Variants in MED12L observed in about 807,000 individuals in gnomAD.
The protein encoded by MED12L is mediator of RNA polymerase II transcription subunit 12-like protein.
Under a neutral mutation model 281.3 loss-of-function variants are expected in MED12L, and 60 were observed. That is an observed-to-expected ratio of 0.21 (90% CI 0.17 to 0.26). The LOEUF (loss-of-function observed/expected upper bound fraction) is 0.26. MED12L is among the 10% of genes least tolerant of loss of function. The probability of loss-of-function intolerance (pLI) is 1.00; values close to 1 mark genes in which losing one functional copy is unlikely to be tolerated. For synonymous variants in MED12L, 974 were observed against 987.2 expected (o/e 0.99, Z 0.25); for missense variants, 2,146 against 2,680.9 (o/e 0.80, Z 4.41).
At chr3:151,156,435 A>G in intron 6 of MED12L, 105 bp downstream of exon 6, 10 of 1,080,356 alleles carry the variant, frequency 9.3e-6, no homozygotes, top group South Asian at 3.6e-5. Context: ...ACATGAACCA[A>G]TACATTCAAA....
chr3:151,390,947 C>T (rs1378953346), intron 38 of MED12L, among the ~76,000 whole-genome samples: 1 of 152,152 alleles, frequency 6.6e-6, no homozygotes, highest in East Asian at 1.9e-4. Flanking sequence ...AAATCTGGTT[C>T]TACCACTCTC....
intron 2 of MED12L, among the ~76,000 whole-genome samples, chr3:151,095,172 A>G (rs948177263): frequency 3.3e-5 from 5 of 152,236 alleles, no homozygotes; most frequent in African/African-American, 9.6e-5. Flanking sequence ...GTATAAATTC[A>G]GTGACCTGCA....
chr3:151,086,941 G>T lies in MED12L; in HGVS notation c.15G>T (p.Gly5=). 6.2e-7 allele frequency: 1 copy of T among 1,602,680 alleles called. No homozygotes were observed. Among genetic ancestry groups the T allele is most frequent in the Admixed American group, 1.7e-5 (1 of 58,724 alleles). The change falls in exon 2 of 45, where the codon GGG becomes GGT. Residue 5 remains glycine (G), a synonymous_variant. Coordinates refer to ENST00000687756, the MANE Select transcript of MED12L (RefSeq NM_001393769.1). MAAF[G]LLSYEQRPLK... ...CATGAGAGATCATGGCCGCCTTCGG[G>T]CTTCTCAGCTATGAGCAGAGACCGC...
chr3:151,093,816 TTGAC>T (rs1225463216), intron 2 of MED12L, among the ~76,000 whole-genome samples: 2 of 152,224 alleles, frequency 1.3e-5, no homozygotes, highest in African/African-American at 4.8e-5. Flanking sequence ...GGGATTTTCT[TTGAC>T]TGTGTCCCTG....
intron 16 of MED12L, among the ~76,000 whole-genome samples, chr3:151,310,080 G>T (rs967046821): frequency 7.9e-5 from 12 of 152,144 alleles, no homozygotes; most frequent in Non-Finnish European, 1.6e-4. Flanking sequence ...ATAGCTCACT[G>T]TAAAGTTGGG....
chr3:151,337,491 T>C, intron 16 of MED12L: 1 of 247,444 alleles, frequency 4.0e-6, no homozygotes, highest in Non-Finnish European at 7.9e-6. Flanking sequence ...ATAATGTATT[T>C]TAAAAATTAC....
At chr3:151,345,776 C>G (rs921766973) in intron 16 of MED12L, among the ~76,000 whole-genome samples, 27 of 152,224 alleles carry the variant, frequency 1.8e-4, no homozygotes, top group African/African-American at 6.3e-4. Context: ...CTCAGCCTCC[C>G]AAAGTGCTGG....
At chr3:151,100,944 G>A (rs1235779183) in intron 2 of MED12L, among the ~76,000 whole-genome samples, 1 of 152,114 alleles carries the variant, frequency 6.6e-6, no homozygotes, top group Non-Finnish European at 1.5e-5. Context: ...CTGTGGCGAA[G>A]GATCAGTTTT....
At chr3:151,321,686 A>G (rs1749015589) in intron 16 of MED12L, among the ~76,000 whole-genome samples, 1 of 152,192 alleles carries the variant, frequency 6.6e-6, no homozygotes, top group African/African-American at 2.4e-5. Flanking sequence ...TTTGAGTTGT[A>G]TTACAAGAGT....
chr3:151,376,287 C>CT (rs1227854639), intron 28 of MED12L, 73 bp downstream of exon 28: 2 of 1,171,088 alleles, frequency 1.7e-6, no homozygotes, highest in Non-Finnish European at 2.3e-6. Flanking sequence ...TACTTCCTCT[C>CT]TTTTTTTGTC....
At chr3:151,196,761 A>G (rs894483223) in intron 16 of MED12L, among the ~76,000 whole-genome samples, 3 of 152,258 alleles carry the variant, frequency 2.0e-5, no homozygotes, top group Non-Finnish European at 2.9e-5. Context: ...TATGTTTTGT[A>G]ATAGGCACTT....
chr3:151,409,474 T>C (rs2108346269), intron 40 of MED12L, 142 bp downstream of exon 40: 6 of 716,710 alleles, frequency 8.4e-6, no homozygotes, highest in Non-Finnish European at 1.4e-5. Flanking sequence ...ATAATTGATA[T>C]TTCAAAAAAG....
intron 16 of MED12L, among the ~76,000 whole-genome samples, chr3:151,200,481 T>C (rs1436053558): frequency 2.6e-5 from 4 of 152,238 alleles, no homozygotes; most frequent in Non-Finnish European, 5.9e-5. Flanking sequence ...ATATAAGTTA[T>C]AGTGACCAAC....
At chr3:151,246,138 A>G (rs1017116210) in intron 16 of MED12L, among the ~76,000 whole-genome samples, 1 of 152,218 alleles carries the variant, frequency 6.6e-6, no homozygotes, top group Non-Finnish European at 1.5e-5. Flanking sequence ...AACAAATGGA[A>G]GAACATTCCA....
chr3:151,109,213 G>T (rs749362202), intron 2 of MED12L, among the ~76,000 whole-genome samples: 4 of 151,996 alleles, frequency 2.6e-5, no homozygotes, highest in Non-Finnish European at 5.9e-5. Context: ...CAGCCACCAC[G>T]CCCGGCAATT....
At chr3:151,355,082 T>G in intron 17 of MED12L, 39 bp from the exon 18 acceptor site, 2 of 1,493,920 alleles carry the variant, frequency 1.3e-6, no homozygotes, top group Non-Finnish European at 1.9e-6. Context: ...AGAGCTTCTA[T>G]TAAATGGAAA....
chr3:151,121,054 T>G (rs1180499453), intron 3 of MED12L, among the ~76,000 whole-genome samples: 2 of 152,204 alleles, frequency 1.3e-5, no homozygotes, highest in Non-Finnish European at 2.9e-5. Flanking sequence ...TTGTTATTAT[T>G]AAATACTTAA....
intron 15 of MED12L, 116 bp from the exon 16 acceptor site, chr3:151,193,374 G>A (rs1279012831): frequency 4.3e-6 from 3 of 695,636 alleles, no homozygotes; most frequent in Non-Finnish European, 7.1e-6. Flanking sequence ...TTTGCTAAGT[G>A]GTTAAGTAGG....
In MED12L at chr3:151,387,677, C is replaced by G. The variant is rs1713621173; in HGVS notation, c.5089-133C>G. The stretch of plus-strand genomic sequence containing the variant: ...TCCGGTGATGTAGCTGTGTAACCCT[C>G]TCTGCTGTATTCTCGGGTTCTCTAG... On this transcript the variant is annotated intron_variant, in intron 36 of 44. Coordinates refer to ENST00000687756, the MANE Select transcript of MED12L (RefSeq NM_001393769.1). 9.9e-6 allele frequency: 10 copies of G among 1,014,942 alleles called. No individual in the cohort carries two copies. The South Asian group carries it at 1.4e-4, about 14-fold the overall frequency. 62.9% of individuals were successfully genotyped at this position (1,014,942 alleles called of 1,614,324 possible).
Sources: gnomAD v4.1 joint callset for allele counts (sites outside exome capture counted in the v4.1 genomes callset) on GRCh38, gnomAD v4.1.1 for gene constraint, MANE v1.5 for transcripts, NCBI Gene and HGNC (gene_info 2026-07-23, HGNC 2026-07-21) for gene names.